Variants in FABP12 observed in about 807,000 individuals in gnomAD.
FABP12 encodes the protein fatty acid-binding protein 12.
In FABP12, 19 loss-of-function variants were observed where a neutral mutation model predicts 13.7. The observed-to-expected ratio is 1.39, with a 90% confidence interval of 0.97 to 2.04. FABP12 has a LOEUF of 2.04. Ranked by LOEUF, FABP12 falls within the 30% of genes most tolerant of loss-of-function variation. FABP12 has a pLI of 0.00. For synonymous variants in FABP12, 61 were observed against 57.0 expected (o/e 1.07, Z -0.32); for missense variants, 182 against 164.2 (o/e 1.11, Z -0.59).
chr8:81,585,171 G>C (rs1198847655), intron 1 of FABP12, among the ~76,000 whole-genome samples: 2 of 152,128 alleles, frequency 1.3e-5, no homozygotes, highest in African/African-American at 4.8e-5. Context: ...CAATGTCTTG[G>C]AGCATCCCTT....
chr8:81,545,481 G>A (rs1439783991), intron 1 of FABP12, among the ~76,000 whole-genome samples: 1 of 152,218 alleles, frequency 6.6e-6, no homozygotes. Context: ...TCCAGTGAAA[G>A]AGCTGGAATT....
intron 1 of FABP12, among the ~76,000 whole-genome samples, chr8:81,576,298 C>T (rs1027368949): frequency 2.6e-5 from 4 of 151,952 alleles, no homozygotes; most frequent in African/African-American, 7.2e-5. Context: ...ATGAATGATT[C>T]ATATAAAATA....
chr8:81,578,983 C>T (rs1212161286), intron 1 of FABP12, among the ~76,000 whole-genome samples: 1 of 151,706 alleles, frequency 6.6e-6, no homozygotes, highest in East Asian at 1.9e-4. Flanking sequence ...CGCCCGCCAC[C>T]ACACCCAGCT....
intron 1 of FABP12, among the ~76,000 whole-genome samples, chr8:81,556,879 C>CTTTTT (rs11338781): frequency 7.3e-5 from 8 of 109,262 alleles, no homozygotes; most frequent in African/African-American, 1.1e-4. Context: ...AAGTGTACAT[C>CTTTTT]TTTTTTTTTT....
chr8:81,542,719 T>C (rs1201250040), intron 1 of FABP12, among the ~76,000 whole-genome samples: 2 of 152,206 alleles, frequency 1.3e-5, no homozygotes, highest in African/African-American at 2.4e-5. Context: ...TATTTACGCA[T>C]GCACCCATTT....
chr8:81,536,592 G>A (rs902740943), upstream of FABP12, among the ~76,000 whole-genome samples: 9 of 152,162 alleles, frequency 5.9e-5, no homozygotes, highest in African/African-American at 2.2e-4. Flanking sequence ...CCTAGGATAG[G>A]TCTTTCCCAC....
At chr8:81,562,314 G>T (rs139477777) in intron 1 of FABP12, among the ~76,000 whole-genome samples, 10 of 152,334 alleles carry the variant, frequency 6.6e-5, no homozygotes, top group African/African-American at 1.9e-4. Context: ...TCAGAGATGT[G>T]TTGGCTTCAG....
chr8:81,581,722 C>A (rs1262111793), intron 1 of FABP12, among the ~76,000 whole-genome samples: 3 of 152,118 alleles, frequency 2.0e-5, no homozygotes, highest in Non-Finnish European at 4.4e-5. Flanking sequence ...CCATACCCAG[C>A]AAAGTTATTT....
upstream of FABP12, among the ~76,000 whole-genome samples, chr8:81,534,302 A>G (rs1809168287): frequency 1.3e-5 from 2 of 152,134 alleles, no homozygotes; most frequent in African/African-American, 4.8e-5. Flanking sequence ...CTTTCATGCC[A>G]TCCAGTATAT....
upstream of FABP12, among the ~76,000 whole-genome samples, chr8:81,536,040 C>A (rs145851456): frequency 4.6e-5 from 7 of 152,196 alleles, no homozygotes; most frequent in East Asian, 1.4e-3. Flanking sequence ...TTCAGCCTTG[C>A]CCTATTTTAT....
At chr8:81,559,898 C>T (rs1180813112) in intron 1 of FABP12, among the ~76,000 whole-genome samples, 3 of 152,094 alleles carry the variant, frequency 2.0e-5, no homozygotes, top group South Asian at 2.1e-4. Flanking sequence ...AATTCACAAG[C>T]GGAAAGGATT....
chr8:81,547,081 A>G lies in FABP12; in HGVS notation c.-184-7338T>C, dbSNP rs117444660. On this transcript the variant is annotated intron_variant, in intron 1 of 5. Transcript: ENST00000692030. Reference sequence around the variant, plus strand: ...CAGAAGTTCCCACACTTACAGCTAGAGAGAAGAAGAAAAGCGGAAGTTGAA... The same window carrying G: ...CAGAAGTTCCCACACTTACAGCTAGGGAGAAGAAGAAAAGCGGAAGTTGAA... 7.4e-3 allele frequency among the ~76,000 whole-genome samples: 1,135 copies of G among 152,374 alleles called. 37 individuals are homozygous for G. Among genetic ancestry groups the G allele is most frequent in the Non-Finnish European group, 5.1e-3 (350 of 68,036 alleles).
Position 81,570,442 on chromosome 8 carries a change from G to T in FABP12, c.-185+19611C>A, listed in dbSNP as rs143767510. Among the ~76,000 whole-genome samples the T allele has an allele frequency of 4.8e-3, 731 of 152,344 alleles. 4 individuals are homozygous for T. The highest frequency in any genetic ancestry group is 0.011 in the Admixed American group (176 of 15,308). On this transcript the variant is annotated intron_variant, in intron 1 of 5. Transcript: ENST00000692030. ...GCAAGACAAAGAGGAGCTTTACTGA[G>T]TAATAAAACAGTTCAGAGAAGACCG... is the stretch of plus-strand genomic sequence containing the variant.
upstream of FABP12, among the ~76,000 whole-genome samples, chr8:81,535,339 G>A (rs1051761660): frequency 3.3e-5 from 5 of 152,214 alleles, no homozygotes; most frequent in African/African-American, 1.2e-4. Context: ...AAGGGATGGA[G>A]AGAGGATAGC....
chr8:81,573,267 G>T (rs1169826522), intron 1 of FABP12, among the ~76,000 whole-genome samples: 1 of 152,050 alleles, frequency 6.6e-6, no homozygotes, highest in African/African-American at 2.4e-5. Flanking sequence ...CTAAGTATTT[G>T]GGTTTATTTC....
intron 4 of FABP12, chr8:81,526,318 C>T (rs1563540601): frequency 6.6e-6 from 1 of 152,150 alleles, no homozygotes; most frequent in African/African-American, 2.4e-5. Flanking sequence ...CATTCTTCTA[C>T]TCTGGAGAAG....
At chr8:81,588,767 A>G (rs1381268646) in intron 1 of FABP12, among the ~76,000 whole-genome samples, 1 of 152,204 alleles carries the variant, frequency 6.6e-6, no homozygotes, top group African/African-American at 2.4e-5. Flanking sequence ...CCCACTCAGT[A>G]CAATAACAGA....
At chr8:81,553,457 C>T (rs1695439829) in intron 1 of FABP12, among the ~76,000 whole-genome samples, 1 of 152,142 alleles carries the variant, frequency 6.6e-6, no homozygotes, top group Non-Finnish European at 1.5e-5. Flanking sequence ...TATATTTTCA[C>T]TTGATATGGT....
At chr8:81,526,378 A>C (rs537263055) in intron 4 of FABP12, 19 of 152,170 alleles carry the variant, frequency 1.2e-4, no homozygotes, top group African/African-American at 4.3e-4. Context: ...GATGGATTCT[A>C]TAAAATATAG....
Sources: allele counts gnomAD v4.1 joint callset (sites outside exome capture counted in the v4.1 genomes callset), GRCh38; gene constraint gnomAD v4.1.1; transcripts MANE v1.5; gene names NCBI Gene and HGNC (gene_info 2026-07-23, HGNC 2026-07-21).